The following GRM5 variants were observed in gnomAD, a reference collection of about 807,000 sequenced individuals.
GRM5 encodes the protein metabotropic glutamate receptor 5.
GRM5 carries 19 observed loss-of-function variants against 83.1 expected under a neutral mutation model. The ratio of observed to expected loss-of-function variants is 0.23; its 90% CI spans 0.16 to 0.34. The LOEUF (loss-of-function observed/expected upper bound fraction) is 0.34, where lower values mean the gene tolerates loss of function less well. Ranked by LOEUF, GRM5 falls within the 10% of genes least tolerant of loss-of-function variation. The pLI is 1.00. For missense variants in GRM5, 1,160 were observed against 1,588.3 expected, an observed-to-expected ratio of 0.73 and a Z score of 4.58; for synonymous variants, 675 against 633.6, an observed-to-expected ratio of 1.07 and a Z score of -0.98.
chr11:88,715,049 C>T (rs16914662), intron 3 of GRM5, among the ~76,000 whole-genome samples: 34,062 of 151,794 alleles, frequency 0.22, 4,022 homozygotes, highest in Middle Eastern at 0.28. Flanking sequence ...ATTTATTGAA[C>T]GACTGCAAAT....
At chr11:88,895,332 T>C (rs531419960) in intron 2 of GRM5, among the ~76,000 whole-genome samples, 11 of 152,056 alleles carry the variant, frequency 7.2e-5, no homozygotes, top group African/African-American at 2.6e-4. Flanking sequence ...CTATAAAGAA[T>C]GATGAATATA....
intron 8 of GRM5, among the ~76,000 whole-genome samples, chr11:88,525,742 A>T (rs996948653): frequency 6.6e-6 from 1 of 152,206 alleles, no homozygotes; most frequent in African/African-American, 2.4e-5. Context: ...ACACATTAGA[A>T]TCTATTCAGT....
At chr11:88,604,009 C>G (rs1317392862) in intron 5 of GRM5, among the ~76,000 whole-genome samples, 3 of 152,094 alleles carry the variant, frequency 2.0e-5, no homozygotes, top group African/African-American at 7.2e-5. Flanking sequence ...GGCATTATTC[C>G]TTATAGATTA....
At chr11:88,528,860 A>G (rs1467664624) in intron 8 of GRM5, among the ~76,000 whole-genome samples, 1 of 152,160 alleles carries the variant, frequency 6.6e-6, no homozygotes, top group African/African-American at 2.4e-5. Context: ...GCAGACACTG[A>G]AGATCAGTGT....
intron 3 of GRM5, among the ~76,000 whole-genome samples, chr11:88,810,780 T>C (rs924716199): frequency 3.9e-5 from 6 of 152,134 alleles, no homozygotes; most frequent in Admixed American, 1.3e-4. Context: ...ACCAGGATCA[T>C]TGAATAAAAA....
chr11:88,810,807 T>C (rs1470513891), intron 3 of GRM5, among the ~76,000 whole-genome samples: 1 of 152,170 alleles, frequency 6.6e-6, no homozygotes, highest in Non-Finnish European at 1.5e-5. Context: ...TTGTTTAATC[T>C]ATTTATTGCC....
At chr11:88,921,991 A>C (rs1158533483) in intron 2 of GRM5, among the ~76,000 whole-genome samples, 1 of 152,114 alleles carries the variant, frequency 6.6e-6, no homozygotes, top group Non-Finnish European at 1.5e-5. Context: ...TCCCATTTAC[A>C]TTAGCTACAA....
rs368059975 is a variant in GRM5 at position 88,779,891 on chromosome 11, C to T, written c.911+70015G>A. 4.1e-4 allele frequency among the ~76,000 whole-genome samples: 62 copies of T among 152,312 alleles called. 1 individual carries two copies. Among genetic ancestry groups the T allele is most frequent in the African/African-American group, 1.5e-3 (62 of 41,586 alleles). ...TTTGTCATGGCAACTGCCCTAGTCA[C>T]TGGTCCCATTCCTTTTTCCTGGATT... On this transcript the variant is annotated intron_variant, in intron 3 of 9. Coordinates refer to ENST00000305447, the MANE Select transcript of GRM5 (RefSeq NM_001143831.3).
chr11:88,715,648 G>A (rs1001983755), intron 3 of GRM5, among the ~76,000 whole-genome samples: 84 of 151,998 alleles, frequency 5.5e-4, no homozygotes, highest in Admixed American at 5.3e-3. Flanking sequence ...ACACAAATAA[G>A]TAATGCTGAC....
chr11:88,839,171 C>T (rs1245465491), intron 3 of GRM5, among the ~76,000 whole-genome samples: 1 of 151,996 alleles, frequency 6.6e-6, no homozygotes, highest in Non-Finnish European at 1.5e-5. Context: ...CCAAAATTAA[C>T]CAATTAAATA....
At chr11:88,674,335 T>A (rs573109645) in intron 3 of GRM5, among the ~76,000 whole-genome samples, 1 of 152,096 alleles carries the variant, frequency 6.6e-6, no homozygotes, top group Non-Finnish European at 1.5e-5. Context: ...GAAATTTTTC[T>A]ATTGCACTTT....
At chr11:88,967,252 T>TATATATATATATACAC (rs1261288697) in intron 2 of GRM5, among the ~76,000 whole-genome samples, 24 of 16,152 alleles carry the variant, frequency 1.5e-3, no homozygotes, top group African/African-American at 4.8e-3. Context: ...TATACACATA[T>TATATATATATATACAC]ATATATATAT....
chr11:88,944,328 A>G (rs1466201203), intron 2 of GRM5, among the ~76,000 whole-genome samples: 3 of 151,944 alleles, frequency 2.0e-5, no homozygotes, highest in South Asian at 2.1e-4. Context: ...GTGTGTGTGC[A>G]TGAGTGTGTT....
intron 2 of GRM5, among the ~76,000 whole-genome samples, chr11:88,928,181 G>T (rs769407175): frequency 7.9e-5 from 12 of 152,106 alleles, no homozygotes; most frequent in Non-Finnish European, 1.6e-4. Flanking sequence ...AAATTGATGA[G>T]AAATTTTGGT....
At chr11:88,653,586 AT>A (rs1168005096) in intron 3 of GRM5, among the ~76,000 whole-genome samples, 183 bp from the exon 4 acceptor site, 1 of 152,050 alleles carries the variant, frequency 6.6e-6, no homozygotes, top group African/African-American at 2.4e-5. Context: ...CAATAACACC[AT>A]GGAAATTTTG....
intron 2 of GRM5, among the ~76,000 whole-genome samples, chr11:88,857,482 AC>A (rs1365891199): frequency 6.6e-6 from 1 of 152,070 alleles, no homozygotes; most frequent in African/African-American, 2.4e-5. Flanking sequence ...CTTAGCCCAA[AC>A]TGCCCATATT....
intron 2 of GRM5, among the ~76,000 whole-genome samples, chr11:88,920,175 A>C (rs1216037553): frequency 6.6e-6 from 1 of 152,052 alleles, no homozygotes; most frequent in African/African-American, 2.4e-5. Context: ...AAAAGAGAGA[A>C]GATCAAAATT....
intron 3 of GRM5, among the ~76,000 whole-genome samples, chr11:88,770,711 C>T (rs895465220): frequency 1.3e-5 from 2 of 152,082 alleles, no homozygotes; most frequent in African/African-American, 4.8e-5. Context: ...CAGGAATATG[C>T]TTCCAGAAAA....
intron 3 of GRM5, among the ~76,000 whole-genome samples, chr11:88,760,189 CA>C (rs1373185562): frequency 6.6e-6 from 1 of 151,938 alleles, no homozygotes; most frequent in Non-Finnish European, 1.5e-5. Flanking sequence ...AAACCAATCC[CA>C]AAGCTAGCAG....
Sources: gnomAD v4.1 joint callset for allele counts (sites outside exome capture counted in the v4.1 genomes callset) on GRCh38, gnomAD v4.1.1 for gene constraint, MANE v1.5 for transcripts, NCBI Gene and HGNC (gene_info 2026-07-23, HGNC 2026-07-21) for gene names.